Variants in ARK2N observed in about 807,000 individuals in gnomAD.
ARK2N encodes the protein arkadia (RNF111) N-terminal like PKA signaling regulator 2N.
the ARK2N span, among the ~76,000 whole-genome samples, chr18:46,177,235 A>AG: frequency 6.6e-6 from 1 of 152,064 alleles, no homozygotes; most frequent in Admixed American, 6.6e-5. Flanking sequence ...GCTATATAGA[A>AG]GGGGGATAGA....
At chr18:46,262,343 T>A in the ARK2N span, among the ~76,000 whole-genome samples, 1 of 152,220 alleles carries the variant, frequency 6.6e-6, no homozygotes, top group African/African-American at 2.4e-5. Context: ...AACCAAATTA[T>A]AAGCGATTCT....
At chr18:46,249,716 T>A in the ARK2N span, among the ~76,000 whole-genome samples, 1 of 152,194 alleles carries the variant, frequency 6.6e-6, no homozygotes, top group Non-Finnish European at 1.5e-5. Flanking sequence ...TATATACACA[T>A]ACATACAAAC....
chr18:46,189,932 A>G, the ARK2N span, among the ~76,000 whole-genome samples: 1 of 152,210 alleles, frequency 6.6e-6, no homozygotes, highest in Non-Finnish European at 1.5e-5. Flanking sequence ...GTAAAGATAC[A>G]GACATTCAGA....
chr18:46,193,037 G>A, the ARK2N span, among the ~76,000 whole-genome samples: 2 of 151,730 alleles, frequency 1.3e-5, no homozygotes, highest in East Asian at 2.0e-4. Context: ...ATGGTGGCAC[G>A]TTCCTATAGT....
chr18:46,198,310 C>CAAAAAA, the ARK2N span, among the ~76,000 whole-genome samples: 7 of 69,136 alleles, frequency 1.0e-4, no homozygotes, highest in African/African-American at 2.3e-4. Flanking sequence ...ACTCCATCTC[C>CAAAAAA]AAAAAAAAAA....
At chr18:46,228,825 CCT>C in the ARK2N span, 1 of 398,534 alleles carries the variant, frequency 2.5e-6, no homozygotes, top group Non-Finnish European at 4.4e-6. Flanking sequence ...CACACCTTGG[CCT>C]CTCAAAGTGC....
chr18:46,261,015 G>A, the ARK2N span, among the ~76,000 whole-genome samples: 1 of 152,126 alleles, frequency 6.6e-6, no homozygotes, highest in Non-Finnish European at 1.5e-5. Context: ...TTTTACTTCG[G>A]AGATATTTTT....
At chr18:46,243,863 G>GACAGC in the ARK2N span, among the ~76,000 whole-genome samples, 71 of 152,298 alleles carry the variant, frequency 4.7e-4, no homozygotes, top group African/African-American at 1.6e-3. Flanking sequence ...TACTACGGAG[G>GACAGC]ACAGCACATA....
At chr18:46,252,782 G>GT in the ARK2N span, among the ~76,000 whole-genome samples, 18 of 152,094 alleles carry the variant, frequency 1.2e-4, no homozygotes, top group Non-Finnish European at 1.9e-4. Context: ...TCAAGAGCTG[G>GT]TACATAGGCC....
chr18:46,187,411 G>A, the ARK2N span, among the ~76,000 whole-genome samples: 4 of 149,540 alleles, frequency 2.7e-5, no homozygotes, highest in Non-Finnish European at 4.4e-5. Context: ...GCGCCATCTC[G>A]GCTCACTGCA....
the ARK2N span, among the ~76,000 whole-genome samples, chr18:46,175,547 T>A: frequency 3.6e-4 from 54 of 150,630 alleles, no homozygotes; most frequent in Non-Finnish European, 3.2e-4. Flanking sequence ...AATTGATAGT[T>A]ACTGCCTGAT....
the ARK2N span, among the ~76,000 whole-genome samples, chr18:46,195,563 T>C: frequency 2.3e-4 from 1 of 4,418 alleles, no homozygotes; most frequent in African/African-American, 3.3e-4. Flanking sequence ...CATAAACTTT[T>C]TTTTTTTTTT....
At chr18:46,261,755 TGA>T in the ARK2N span, among the ~76,000 whole-genome samples, 1 of 152,240 alleles carries the variant, frequency 6.6e-6, no homozygotes. Flanking sequence ...GCTCTGGCCC[TGA>T]GAGATCTGTT....
At chr18:46,204,976 C>T in the ARK2N span, among the ~76,000 whole-genome samples, 2 of 150,126 alleles carry the variant, frequency 1.3e-5, no homozygotes. Flanking sequence ...CAGAGTCTTG[C>T]CCTGTCGCCC....
the ARK2N span, among the ~76,000 whole-genome samples, chr18:46,188,708 AT>A: frequency 7.2e-5 from 11 of 152,276 alleles, no homozygotes; most frequent in African/African-American, 2.4e-4. Context: ...ATGTCAACTT[AT>A]CTTTTAAAAA....
the ARK2N span, among the ~76,000 whole-genome samples, chr18:46,188,350 G>GCCA: frequency 3.9e-5 from 6 of 152,126 alleles, no homozygotes; most frequent in East Asian, 1.2e-3. Context: ...ACAGGTGCCT[G>GCCA]CCACTACACC....
the ARK2N span, among the ~76,000 whole-genome samples, chr18:46,256,637 T>C: frequency 3.7e-4 from 56 of 152,358 alleles, no homozygotes; most frequent in African/African-American, 1.3e-3. Flanking sequence ...TTCTTACTTA[T>C]TGGTTTGAAT....
chr18:46,219,534 A>T, the ARK2N span, among the ~76,000 whole-genome samples: 2 of 149,518 alleles, frequency 1.3e-5, no homozygotes, highest in Admixed American at 6.7e-5. Flanking sequence ...CAGTGGCGCG[A>T]TCTCTGCTCA....
chr18:46,234,135 A>G, the ARK2N span, among the ~76,000 whole-genome samples: 1 of 152,216 alleles, frequency 6.6e-6, no homozygotes, highest in South Asian at 2.1e-4. Flanking sequence ...TTCTTGATTG[A>G]TATTTTTACA....
Sources: allele counts gnomAD v4.1 joint callset (sites outside exome capture counted in the v4.1 genomes callset), GRCh38; gene constraint gnomAD v4.1.1; transcripts MANE v1.5; gene names NCBI Gene and HGNC (gene_info 2026-07-23, HGNC 2026-07-21).